Variants in ABCB4 observed in about 807,000 individuals in gnomAD.
The protein encoded by ABCB4 is ATP binding cassette subfamily B member 4.
A neutral mutation model predicts 145.7 loss-of-function variants in ABCB4; 76 were observed. The observed-to-expected ratio is 0.52, with a 90% CI of 0.43 to 0.63. The LOEUF (loss-of-function observed/expected upper bound fraction) is 0.63, where lower values mean the gene tolerates loss of function less well. Ranked by LOEUF, ABCB4 falls within the 30% of genes least tolerant of loss-of-function variation. ABCB4 has a pLI of 0.00. For missense variants in ABCB4, 1,234 were observed against 1,553.1 expected, an observed-to-expected ratio of 0.79 and a Z score of 3.45; for synonymous variants, 517 against 566.8, an observed-to-expected ratio of 0.91 and a Z score of 1.25.
Position 87,423,982 on chromosome 7 carries a change from A to G in ABCB4, c.2135T>C (p.Val712Ala), listed in dbSNP as rs1200336256. Residue 712 changes from valine (V) to alanine (A), a missense_variant, in exon 17 of 28, where the codon GTC becomes GCC. Physicochemically the swap from Val to Ala is moderately conservative, Grantham distance 64 (BLOSUM62 0). Around this residue, in one of 7 missense-constraint regions of ABCB4, gnomAD observed 321 missense variants for 332.6 expected, o/e 0.97. Transcript: ENST00000649586. The stretch of plus-strand genomic sequence containing the variant: ...GGCAATGGCACATACTGTTCCCACG[A>G]CAAAGTAGGGCCATTCTGTTTTATT... ...KLNKTEWPYF[V>A]VGTVCAIANG... The G allele has an allele frequency of 1.2e-5, 19 of 1,614,004 alleles. No individual in the cohort carries two copies. The highest frequency in any genetic ancestry group is 3.3e-5 in the Admixed American group (2 of 60,002).
At chr7:87,381,237 T>A in the ABCB4 span, among the ~76,000 whole-genome samples, 16 of 152,350 alleles carry the variant, frequency 1.1e-4, no homozygotes, top group East Asian at 3.1e-3. Flanking sequence ...GTAACTTTTA[T>A]CTAAGGAACA....
intron 9 of ABCB4, among the ~76,000 whole-genome samples, chr7:87,445,846 T>C (rs1811309634): frequency 6.6e-6 from 1 of 152,140 alleles, no homozygotes; most frequent in South Asian, 2.1e-4. Flanking sequence ...GTCCCTGCCC[T>C]CTATGCAGAG....
At chr7:87,420,661 T>C (rs535180530) in intron 18 of ABCB4, among the ~76,000 whole-genome samples, 1 of 152,232 alleles carries the variant, frequency 6.6e-6, no homozygotes, top group Non-Finnish European at 1.5e-5. Flanking sequence ...ATTATTTGTA[T>C]GTTAACTATT....
intron 14 of ABCB4, among the ~76,000 whole-genome samples, chr7:87,435,010 A>C (rs1266914987): frequency 6.6e-6 from 1 of 152,238 alleles, no homozygotes; most frequent in Non-Finnish European, 1.5e-5. Context: ...TCCACAAAAT[A>C]AAAATATTAT....
At chr7:87,431,766 T>C (rs993643264) in intron 14 of ABCB4, among the ~76,000 whole-genome samples, 1 of 152,246 alleles carries the variant, frequency 6.6e-6, no homozygotes, top group African/African-American at 2.4e-5. Context: ...GACAAGTGGC[T>C]AACCCCTTCA....
chr7:87,439,595 T>C, intron 14 of ABCB4, 72 bp downstream of exon 14: 2 of 1,560,544 alleles, frequency 1.3e-6, no homozygotes, highest in Non-Finnish European at 8.8e-7. Context: ...CAGCCCAGAC[T>C]CCGGAAGCAC....
At chr7:87,468,304 G>A (rs1367043014) in intron 3 of ABCB4, among the ~76,000 whole-genome samples, 6 of 152,148 alleles carry the variant, frequency 3.9e-5, no homozygotes, top group Non-Finnish European at 7.3e-5. Flanking sequence ...AGAAGAAATG[G>A]ATAAATTCCT....
In ABCB4 at chr7:87,418,578, G is replaced by A. The variant is rs1486786178; in HGVS notation, c.2437C>T (p.Leu813Phe). ...FDDHKNSTGA[L>F]STRLATDAAQ... ...GCATCTGTGGCAAGTCTTGTAGAAA[G>A]TGCACCAGTACTGTTTTTATGGTCA... Residue 813 changes from leucine to phenylalanine, a missense_variant, in exon 20 of 28, where the codon CTT (leucine) becomes TTT (phenylalanine). By Grantham distance (22) the Leu-to-Phe change is conservative. This residue lies in a region of ABCB4 where 321 missense variants were observed against 332.6 expected (regional missense o/e 0.97). Coordinates refer to ENST00000649586, the MANE Select transcript of ABCB4 (RefSeq NM_000443.4). 6.2e-7 allele frequency: 1 copy of A among 1,614,172 alleles called. No individual in the cohort carries two copies. Among genetic ancestry groups the A allele is most frequent in the African/African-American group, 1.3e-5 (1 of 75,058 alleles).
intron 26 of ABCB4, 41 bp downstream of exon 26, chr7:87,406,247 A>G: frequency 6.3e-7 from 1 of 1,594,474 alleles, no homozygotes; most frequent in Non-Finnish European, 8.6e-7. Flanking sequence ...TTTGGGGGAT[A>G]AAAAGTAGTC....
chr7:87,404,250 G>A (rs1808019500), intron 26 of ABCB4, among the ~76,000 whole-genome samples: 2 of 152,138 alleles, frequency 1.3e-5, no homozygotes, highest in South Asian at 4.1e-4. Flanking sequence ...CTCTACGTCA[G>A]TGTAACCCAG....
intron 6 of ABCB4, chr7:87,452,618 T>G (rs928221926): frequency 1.7e-5 from 6 of 362,698 alleles, no homozygotes; most frequent in African/African-American, 1.2e-4. Flanking sequence ...TCTTTGTAAA[T>G]TAATTCAATC....
chr7:87,396,305 C>A, the ABCB4 span, among the ~76,000 whole-genome samples: 1 of 152,104 alleles, frequency 6.6e-6, no homozygotes, highest in South Asian at 2.1e-4. Flanking sequence ...GTCACCACAC[C>A]AGAGGAATTA....
intron 15 of ABCB4, among the ~76,000 whole-genome samples, chr7:87,428,784 A>G (rs929300192): frequency 1.3e-5 from 2 of 152,212 alleles, no homozygotes; most frequent in African/African-American, 4.8e-5. Flanking sequence ...AAATAGTTAA[A>G]TTTGAAGATA....
intron 22 of ABCB4, 111 bp downstream of exon 22, chr7:87,413,506 C>G: frequency 1.3e-6 from 1 of 775,468 alleles, no homozygotes; most frequent in East Asian, 2.5e-5. Flanking sequence ...AAAGGCCACC[C>G]TTATAGTCAT....
chr7:87,451,579 T>C (rs1349571449), intron 7 of ABCB4, 44 bp downstream of exon 7: 10 of 1,609,906 alleles, frequency 6.2e-6, no homozygotes, highest in Non-Finnish European at 8.5e-6. Context: ...AAGATTACTG[T>C]GTGCAGGGGT....
At chr7:87,451,123 G>A (rs967653390) in intron 7 of ABCB4, among the ~76,000 whole-genome samples, 6 of 150,692 alleles carry the variant, frequency 4.0e-5, no homozygotes, top group Non-Finnish European at 5.9e-5. Flanking sequence ...AAGGGTAATC[G>A]AAGTAAGAAC....
chr7:87,416,834 C>G (rs1467786837), intron 21 of ABCB4, among the ~76,000 whole-genome samples: 1 of 152,208 alleles, frequency 6.6e-6, no homozygotes, highest in Non-Finnish European at 1.5e-5. Flanking sequence ...AAATGTTAAG[C>G]CCAATTGCCA....
intron 23 of ABCB4, 94 bp from the exon 24 acceptor site, chr7:87,409,486 C>A: frequency 7.8e-7 from 1 of 1,276,018 alleles, no homozygotes; most frequent in Middle Eastern, 2.3e-4. Flanking sequence ...AGTATTTTTT[C>A]CCTTTACTCC....
intron 14 of ABCB4, among the ~76,000 whole-genome samples, chr7:87,433,410 C>A (rs1465042175): frequency 6.6e-6 from 1 of 151,890 alleles, no homozygotes; most frequent in Non-Finnish European, 1.5e-5. Context: ...AAGGCATATA[C>A]AAAATAATTT....
Sources: gnomAD v4.1 joint callset for allele counts (sites outside exome capture counted in the v4.1 genomes callset) on GRCh38, gnomAD v4.1.1 for gene constraint, gnomAD v4.1.1 regional missense constraint, MANE v1.5 for transcripts, NCBI Gene and HGNC (gene_info 2026-07-23, HGNC 2026-07-21) for gene names.